The following ING5 variants were observed in gnomAD, a reference collection of about 807,000 sequenced individuals.
ING5 encodes the protein inhibitor of growth family member 5.
A neutral mutation model predicts 37.4 loss-of-function variants in ING5; 17 were observed. The observed-to-expected ratio is 0.45, with a 90% CI of 0.31 to 0.68. The LOEUF is 0.68. Ranked by LOEUF, ING5 falls within the 30% of genes least tolerant of loss-of-function variation. The pLI, the probability that ING5 is intolerant of heterozygous loss-of-function variation, is 0.05. For synonymous variants in ING5, 123 were observed against 116.6 expected (o/e 1.06, Z -0.36); for missense variants, 233 against 311.9 (o/e 0.75, Z 1.91).
chr2:241,725,125 T>C lies in ING5; in HGVS notation c.*94T>C. On this transcript the variant is annotated 3_prime_UTR_variant, in exon 8 of 8. Transcript: ENST00000313552. ...TTCCTTTTAAAACTACCTTGTTCGG[T>C]TGATACTTAGTAACTCCGTGGCCAG... The C allele has an allele frequency of 7.5e-7, 1 of 1,328,512 alleles. No individual in the cohort carries two copies. Among genetic ancestry groups the C allele is most frequent in the Non-Finnish European group, 1.1e-6 (1 of 924,266 alleles). 82.3% of individuals were successfully genotyped at this position (1,328,512 alleles called of 1,614,324 possible).
intron 5 of ING5, among the ~76,000 whole-genome samples, chr2:241,714,293 C>A (rs911785589): frequency 2.6e-5 from 4 of 152,094 alleles, no homozygotes; most frequent in Non-Finnish European, 5.9e-5. Context: ...GTTTTTCTAA[C>A]CTTTTAAATT....
intron 5 of ING5, chr2:241,721,003 C>T: frequency 2.0e-6 from 2 of 985,682 alleles, no homozygotes; most frequent in Non-Finnish European, 2.4e-6. Flanking sequence ...GGCCAGCGCC[C>T]TCGAACCTGG....
At position 241,728,869 on chromosome 2, in the gene ING5, T is replaced by C. The variant is rs1575146261; in HGVS notation, c.*3838T>C. ...AAGCAGCTGTGCAGACTGGTGGCGG[T>C]GGGAGGGTTTGCTGGGACTGATGGG... On this transcript the variant is annotated 3_prime_UTR_variant, in exon 8 of 8. Coordinates refer to ENST00000313552, the MANE Select transcript of ING5 (RefSeq NM_032329.6). The C allele has an allele frequency of 6.6e-6, 1 of 152,144 alleles. No individual in the cohort carries two copies. Among genetic ancestry groups the C allele is most frequent in the Non-Finnish European group, 1.5e-5 (1 of 68,046 alleles). The allele number at this position is 152,144 out of a possible 1,614,324, so 9.4% of individuals were successfully genotyped here. A position where few individuals can be genotyped will look rare whatever the true frequency, so the allele number is the denominator to read the frequency against.
chr2:241,721,149 C>T (rs901781046), intron 5 of ING5: 11 of 985,562 alleles, frequency 1.1e-5, no homozygotes, highest in Middle Eastern at 5.2e-4. Context: ...CCCTGCTCTC[C>T]GCGGGTGAGA....
intron 2 of ING5, among the ~76,000 whole-genome samples, chr2:241,708,299 C>G (rs151076436): frequency 0.01 from 1,539 of 151,948 alleles, 21 homozygotes; most frequent in African/African-American, 0.035. Context: ...GCCCCGCCTC[C>G]TGGGTTCACG....
upstream of ING5, among the ~76,000 whole-genome samples, chr2:241,698,437 T>C (rs890699140): frequency 6.6e-6 from 1 of 151,706 alleles, no homozygotes; most frequent in African/African-American, 2.4e-5. Context: ...AAAGTATCAA[T>C]ATTGTTTCAT....
At chr2:241,720,666 AG>A in intron 5 of ING5, 1 of 985,590 alleles carries the variant, frequency 1.0e-6, no homozygotes, top group East Asian at 1.1e-4. Flanking sequence ...CGGGCGCGGA[AG>A]GGCTCGCTGG....
intron 5 of ING5, chr2:241,721,283 T>G: frequency 1.0e-6 from 1 of 985,446 alleles, no homozygotes. Context: ...CGAAGACTAC[T>G]TGAGACTGTT....
intron 5 of ING5, chr2:241,719,418 A>T (rs2070370012): frequency 2.4e-6 from 2 of 818,642 alleles, no homozygotes; most frequent in Admixed American, 2.1e-5. Flanking sequence ...GTTGCTCCAC[A>T]GCTCCCCGAC....
At chr2:241,721,760 A>C (rs983270201) in intron 5 of ING5, 7 of 985,326 alleles carry the variant, frequency 7.1e-6, no homozygotes, top group Non-Finnish European at 6.0e-6. Context: ...GCAGCTTGTA[A>C]GTTTATTTGA....
chr2:241,704,770 T>TG, intron 2 of ING5, 46 bp downstream of exon 2: 1 of 1,516,456 alleles, frequency 6.6e-7, no homozygotes, highest in Non-Finnish European at 9.2e-7. Context: ...TTCTGACAGG[T>TG]GGGAGCCAGC....
intron 4 of ING5, 169 bp downstream of exon 4, chr2:241,711,657 T>G: frequency 1.7e-6 from 1 of 605,958 alleles, no homozygotes; most frequent in Non-Finnish European, 2.8e-6. Context: ...CCCCAGCACT[T>G]TGGGAGGCTG....
chr2:241,724,551 G>A (rs1691529358), intron 7 of ING5: 1 of 190,794 alleles, frequency 5.2e-6, no homozygotes, highest in Non-Finnish European at 1.1e-5. Flanking sequence ...AGAGTCACCA[G>A]GGAGCACTTG....
chr2:241,713,218 G>A (rs771576423), intron 5 of ING5, among the ~76,000 whole-genome samples: 3 of 150,826 alleles, frequency 2.0e-5, no homozygotes, highest in South Asian at 2.1e-4. Flanking sequence ...CACCATGCCC[G>A]GCTAAGTTTT....
In ING5 at chr2:241,729,232, T is replaced by C. The variant is rs1423419869; in HGVS notation, c.*4201T>C. ...TCAGGAGAGATTGTGTTGGAGTTTC[T>C]TTCTTCCTCTGTATGTATTTTGTGG... On this transcript the variant is annotated 3_prime_UTR_variant, in exon 8 of 8. Transcript: ENST00000313552. 3 of 152,654 alleles carry C rather than the reference T, an allele frequency of 2.0e-5. No homozygotes were observed. Among genetic ancestry groups the C allele is most frequent in the Non-Finnish European group, 4.4e-5 (3 of 68,038 alleles). The allele number at this position is 152,654 out of a possible 1,614,324, so 9.5% of individuals were successfully genotyped here.
At position 241,696,066 on chromosome 2, in the gene ING5, C is replaced by A. The variant is rs1575115695; in HGVS notation, c.43+5413C>A. On this transcript the variant is annotated intron_variant, in intron 2 of 7. Transcript: ENST00000636051. ...GAACTGTGATCACACCACTGTCCTC[C>A]AGCCTGGGCGACAATGTGAGATCCT... 3.3e-5 allele frequency among the ~76,000 whole-genome samples: 5 copies of A among 152,190 alleles called. No individual in the cohort carries two copies. In the South Asian group the frequency reaches 1.0e-3, roughly 32 times the overall value.
At chr2:241,714,837 C>G (rs2070218813) in intron 5 of ING5, among the ~76,000 whole-genome samples, 1 of 152,158 alleles carries the variant, frequency 6.6e-6, no homozygotes, top group African/African-American at 2.4e-5. Context: ...CTCAAGCAGT[C>G]CGCCTGCCTC....
intron 2 of ING5, among the ~76,000 whole-genome samples, chr2:241,691,447 A>T: frequency 6.7e-6 from 1 of 148,908 alleles, no homozygotes; most frequent in Non-Finnish European, 1.5e-5. Context: ...TCAAAAAAAA[A>T]AAACAAAAAC....
chr2:241,710,147 C>T (rs1304015935), intron 3 of ING5, among the ~76,000 whole-genome samples: 2 of 151,728 alleles, frequency 1.3e-5, no homozygotes, highest in African/African-American at 4.8e-5. Context: ...GCTCTTGTTG[C>T]CCAGGCTGGA....
Sources: gnomAD v4.1 joint callset for allele counts (sites outside exome capture counted in the v4.1 genomes callset) on GRCh38, gnomAD v4.1.1 for gene constraint, MANE v1.5 for transcripts, NCBI Gene and HGNC (gene_info 2026-07-23, HGNC 2026-07-21) for gene names.